The following GDI2 variants were observed in gnomAD, a reference collection of about 807,000 sequenced individuals.
The protein encoded by GDI2 is rab GDP dissociation inhibitor beta.
Under a neutral mutation model 54.2 loss-of-function variants are expected in GDI2, and 22 were observed. The observed-to-expected ratio is 0.41, with a 90% CI of 0.29 to 0.58. GDI2 has a LOEUF of 0.58. GDI2 is among the 20% of genes least tolerant of loss of function. The pLI is 0.35. For synonymous variants in GDI2, 177 were observed against 182.1 expected (o/e 0.97, Z 0.23); for missense variants, 422 against 546.0 (o/e 0.77, Z 2.26).
intron 1 of GDI2, chr10:5,811,752 G>T: frequency 3.4e-6 from 1 of 298,316 alleles, no homozygotes; most frequent in South Asian, 2.8e-5. Flanking sequence ...ACAGACACAG[G>T]ATTATTCCTG....
intron 6 of GDI2, among the ~76,000 whole-genome samples, chr10:5,784,434 T>C (rs1264833709): frequency 6.6e-6 from 1 of 152,220 alleles, no homozygotes; most frequent in Non-Finnish European, 1.5e-5. Flanking sequence ...AATTCAGAGA[T>C]TTTTGTCTTG....
At chr10:5,777,384 A>G (rs1361432882) in intron 6 of GDI2, among the ~76,000 whole-genome samples, 1 of 152,196 alleles carries the variant, frequency 6.6e-6, no homozygotes, top group African/African-American at 2.4e-5. Flanking sequence ...GAAGTGAGAG[A>G]ATCGCTTGAA....
rs982556111 is a variant in GDI2, at chr10:5,774,776, A to C, written c.720-835T>G. Among the ~76,000 whole-genome samples the C allele has an allele frequency of 1.3e-5, 2 of 152,132 alleles. No homozygotes were observed. Among genetic ancestry groups the C allele is most frequent in the African/African-American group, 2.4e-5 (1 of 41,432 alleles). On this transcript the variant is annotated intron_variant, in intron 6 of 10. Transcript: ENST00000380191. This position sits in a 1 kb window ranked among gnomAD's most constrained non-coding sequence, Gnocchi z 4.8. ...AAAATCGGCTCTTTCCCAAAACCCC[A>C]CACTGTCTATTCTCCTGTTTTTCCT...
chr10:5,773,689 G>C (rs1465166840), intron 7 of GDI2, among the ~76,000 whole-genome samples, 153 bp downstream of exon 7: 3 of 152,010 alleles, frequency 2.0e-5, no homozygotes, highest in Non-Finnish European at 4.4e-5. Flanking sequence ...TTAAAACAAA[G>C]CACAGCAACT....
rs543919825 is a variant in GDI2 at position 5,805,896 on chromosome 10, G to C, written c.46-5191C>G. On this transcript the variant is annotated intron_variant, in intron 1 of 10. Transcript: ENST00000380191. The stretch of plus-strand genomic sequence containing the variant: ...GCAGCTGATCTATGCAGCACACTTT[G>C]GGTAACACAGCTGTAGACGATTCCA... Among the ~76,000 whole-genome samples, 6 of 152,298 alleles carry C rather than the reference G, an allele frequency of 3.9e-5. No homozygotes were observed. The South Asian group carries it at 8.3e-4, about 21-fold the overall frequency.
intron 4 of GDI2, among the ~76,000 whole-genome samples, chr10:5,789,739 ATTTAATCACAAAAC>A (rs374947453): frequency 1.3e-5 from 2 of 152,356 alleles, no homozygotes; most frequent in African/African-American, 4.8e-5. Context: ...CAAAGTTAAA[ATTTAATCACAAAAC>A]TTAGGCACAC....
Position 5,797,240 on chromosome 10 carries a change from G to A in GDI2, c.154-378C>T, listed in dbSNP as rs143693750. 3.6e-3 allele frequency among the ~76,000 whole-genome samples: 548 copies of A among 151,446 alleles called. 3 individuals are homozygous for A. Among genetic ancestry groups the A allele is most frequent in the African/African-American group, 0.013 (516 of 41,232 alleles). On this transcript the variant is annotated intron_variant, in intron 2 of 10. Coordinates refer to ENST00000380191, the MANE Select transcript of GDI2 (RefSeq NM_001494.4). ...AGCCTGACCAACATAGTGAAACCCC[G>A]TCTCTACTAAAAATACAAAAATTGG...
At position 5,803,753 on chromosome 10, in the gene GDI2, G is replaced by A. The variant is rs181198805; in HGVS notation, c.46-3048C>T. Among the ~76,000 whole-genome samples the A allele has an allele frequency of 3.3e-5, 5 of 152,040 alleles. No individual in the cohort carries two copies. The East Asian group carries it at 9.7e-4, about 29-fold the overall frequency. Reference sequence around the variant, plus strand: ...ACTAAGACAAACCAAATTAAGAAGAGGGAAAAAATTAATACAATTAATGTG... The same window carrying A: ...ACTAAGACAAACCAAATTAAGAAGAAGGAAAAAATTAATACAATTAATGTG... On this transcript the variant is annotated intron_variant, in intron 1 of 10. Coordinates refer to ENST00000380191, the MANE Select transcript of GDI2 (RefSeq NM_001494.4).
rs1840566078 is a variant in GDI2, at chr10:5,774,164, T to C, written c.720-223A>G. On this transcript the variant is annotated intron_variant, in intron 6 of 10. Transcript: ENST00000380191. The surrounding 1 kb of genome is among the most constrained non-coding windows in gnomAD (Gnocchi z 4.8). ...AAAAATCACTAACCAGGCACTTGTC[T>C]TTCGAGCTGCCCACTCGGCCCTCCT... 6.6e-6 allele frequency among the ~76,000 whole-genome samples: 1 copy of C among 152,202 alleles called. No homozygotes were observed. Among genetic ancestry groups the C allele is most frequent in the Admixed American group, 6.5e-5 (1 of 15,278 alleles).
chr10:5,795,568 TA>T (rs1249448239), intron 3 of GDI2, among the ~76,000 whole-genome samples: 1 of 152,248 alleles, frequency 6.6e-6, no homozygotes, highest in Non-Finnish European at 1.5e-5. Flanking sequence ...ACTTAAAGGT[TA>T]ATAATTCTAT....
At chr10:5,792,154 G>A (rs185957791) in intron 4 of GDI2, among the ~76,000 whole-genome samples, 10 of 152,262 alleles carry the variant, frequency 6.6e-5, no homozygotes, top group Non-Finnish European at 1.2e-4. Context: ...TTTATATACC[G>A]TAAGAATATA....
chr10:5,796,075 TA>T (rs1231084933), intron 3 of GDI2, among the ~76,000 whole-genome samples: 1 of 152,070 alleles, frequency 6.6e-6, no homozygotes, highest in Non-Finnish European at 1.5e-5. Context: ...TACAGCAATT[TA>T]AAAAAATACT....
chr10:5,780,166 G>A (rs1274166205), intron 6 of GDI2, among the ~76,000 whole-genome samples: 2 of 150,816 alleles, frequency 1.3e-5, no homozygotes, highest in Non-Finnish European at 2.9e-5. Flanking sequence ...CCAAGATCAT[G>A]CCACTGCACT....
intron 7 of GDI2, among the ~76,000 whole-genome samples, chr10:5,773,226 T>C (rs752325448): frequency 6.6e-6 from 1 of 152,194 alleles, no homozygotes; most frequent in Non-Finnish European, 1.5e-5. Flanking sequence ...AGCTTAGATT[T>C]TTAGAATTCC....
At chr10:5,777,802 T>A (rs1840660022) in intron 6 of GDI2, among the ~76,000 whole-genome samples, 1 of 152,200 alleles carries the variant, frequency 6.6e-6, no homozygotes, top group Non-Finnish European at 1.5e-5. Context: ...CCCAAAGGAT[T>A]ATAAATCATG....
At chr10:5,773,141 A>G (rs1341535586) in intron 7 of GDI2, among the ~76,000 whole-genome samples, 7 of 152,156 alleles carry the variant, frequency 4.6e-5, no homozygotes, top group Non-Finnish European at 1.0e-4. Flanking sequence ...TGAGACCTAA[A>G]TAACTGAAGA....
intron 4 of GDI2, among the ~76,000 whole-genome samples, chr10:5,789,585 C>G (rs1256817320): frequency 6.6e-6 from 1 of 152,060 alleles, no homozygotes; most frequent in Non-Finnish European, 1.5e-5. Flanking sequence ...ACATGCCCAG[C>G]AGATTTGTGA....
rs202221304 is a variant in GDI2, at chr10:5,785,716, TA to T, written c.587+135del. The T allele has an allele frequency of 4.8e-5, 30 of 630,006 alleles. No individual in the cohort carries two copies. In the East Asian group the frequency reaches 7.8e-4, roughly 16 times the overall value. 39.0% of individuals were successfully genotyped at this position (630,006 alleles called of 1,614,324 possible). Reference sequence around the variant, plus strand: ...TAAATCACTTAAAAGGTCCCAACACTAATTTCAACTAGAACCTCTTCATTCA... The same window carrying T: ...TAAATCACTTAAAAGGTCCCAACACTATTTCAACTAGAACCTCTTCATTCA... On this transcript the variant is annotated intron_variant, in intron 5 of 10. Transcript: ENST00000380191.
At position 5,785,960 on chromosome 10, in the gene GDI2, C is replaced by A; in HGVS notation, c.479G>T (p.Gly160Val). 6.2e-7 allele frequency: 1 copy of A among 1,611,944 alleles called. No homozygotes were observed. Among genetic ancestry groups the A allele is most frequent in the South Asian group, 1.1e-5 (1 of 91,018 alleles). Residue 160 changes from glycine (G) to valine (V), a missense_variant, in exon 5 of 11, where the codon GGC becomes GTC. By Grantham distance (109) the Gly-to-Val change is moderately radical. Transcript: ENST00000380191. ...CATTGTGGTCTTCTTAGGATCAATG[C>A]CTTCAAAAGTTCTTGGATCTTTTTC... ...FDEKDPRTFEGIDPKKTTMRD... is the reference protein window; with the variant it reads ...FDEKDPRTFEVIDPKKTTMRD...
Sources: allele counts gnomAD v4.1 joint callset (sites outside exome capture counted in the v4.1 genomes callset), GRCh38; gene constraint gnomAD v4.1.1; non-coding constraint Gnocchi (gnomAD v3.1); transcripts MANE v1.5; gene names NCBI Gene and HGNC (gene_info 2026-07-23, HGNC 2026-07-21).